Variants in CAST observed in about 807,000 individuals in gnomAD.
CAST encodes the protein calpastatin, also known as MIR583 host.
In CAST, 76 loss-of-function variants were observed where a neutral mutation model predicts 119.6. That is an observed-to-expected ratio of 0.64 (90% CI 0.53 to 0.77). The LOEUF is 0.77. CAST is among the 30% of genes least tolerant of loss of function. The probability of loss-of-function intolerance (pLI) is 0.00; values close to 1 mark genes in which losing one functional copy is unlikely to be tolerated. For missense variants in CAST, 953 were observed against 946.5 expected, an observed-to-expected ratio of 1.01 and a Z score of -0.09; for synonymous variants, 319 against 331.6, an observed-to-expected ratio of 0.96 and a Z score of 0.41.
chr5:96,406,331 A>G, the CAST span, among the ~76,000 whole-genome samples: 4 of 152,218 alleles, frequency 2.6e-5, no homozygotes, highest in Non-Finnish European at 5.9e-5. Context: ...TGCTGATGCC[A>G]GTCTCAGCTT....
intron 1 of CAST, among the ~76,000 whole-genome samples, chr5:96,644,636 A>G (rs2150203907): frequency 6.6e-6 from 1 of 152,306 alleles, no homozygotes; most frequent in African/African-American, 2.4e-5. Context: ...CATTATGGTG[A>G]TACATCTGTC....
At chr5:96,534,726 A>AAGG (rs1561408784) in intron 1 of CAST, among the ~76,000 whole-genome samples, 1 of 11,106 alleles carries the variant, frequency 9.0e-5, no homozygotes, top group Non-Finnish European at 2.0e-4. Flanking sequence ...AGAGAGAGAG[A>AAGG]GAGAGAGAGA....
chr5:96,360,521 C>T, the CAST span, among the ~76,000 whole-genome samples: 2 of 152,180 alleles, frequency 1.3e-5, no homozygotes, highest in East Asian at 1.9e-4. Flanking sequence ...TTGGTGTGGA[C>T]GTCCTTTTTG....
the CAST span, among the ~76,000 whole-genome samples, chr5:96,255,002 T>C: frequency 6.6e-6 from 1 of 152,112 alleles, no homozygotes; most frequent in African/African-American, 2.4e-5. Flanking sequence ...TTTGGGTGGA[T>C]TAAAAGTTGC....
chr5:96,112,094 CAAT>C, the CAST span, among the ~76,000 whole-genome samples: 1 of 151,100 alleles, frequency 6.6e-6, no homozygotes, highest in Non-Finnish European at 1.5e-5. Flanking sequence ...AAAATGGACT[CAAT>C]TATTAATATA....
chr5:96,675,461 A>G, intron 1 of CAST, 78 bp from the exon 2 acceptor site: 1 of 1,023,696 alleles, frequency 9.8e-7, no homozygotes, highest in South Asian at 1.3e-5. Context: ...AAGGGTATGC[A>G]TTTAGCCTTT....
chr5:96,609,905 G>A (rs1276741844), intron 1 of CAST, among the ~76,000 whole-genome samples: 2 of 152,126 alleles, frequency 1.3e-5, no homozygotes, highest in South Asian at 2.1e-4. Flanking sequence ...GGGGGACTGT[G>A]GGCATGGCAT....
intron 1 of CAST, among the ~76,000 whole-genome samples, chr5:96,558,250 G>C (rs959901800): frequency 6.6e-6 from 1 of 152,080 alleles, no homozygotes; most frequent in African/African-American, 2.4e-5. Context: ...ACAAGAGAAA[G>C]CAGGAAAGAT....
At chr5:96,633,846 C>T (rs892070367) in intron 1 of CAST, among the ~76,000 whole-genome samples, 3 of 152,216 alleles carry the variant, frequency 2.0e-5, no homozygotes, top group East Asian at 1.9e-4. Context: ...ACACACTCTA[C>T]ATCAGTCGTT....
chr5:95,996,830 T>C, the CAST span, among the ~76,000 whole-genome samples: 1 of 152,138 alleles, frequency 6.6e-6, no homozygotes, highest in Non-Finnish European at 1.5e-5. Flanking sequence ...ATCACACTTT[T>C]ATAAACACAG....
the CAST span, among the ~76,000 whole-genome samples, chr5:96,174,712 A>C: frequency 6.6e-6 from 1 of 152,286 alleles, no homozygotes; most frequent in African/African-American, 2.4e-5. Context: ...TAATCTTGTT[A>C]ATGTCTTTTC....
At chr5:96,179,892 C>T in the CAST span, among the ~76,000 whole-genome samples, 2 of 152,046 alleles carry the variant, frequency 1.3e-5, no homozygotes. Flanking sequence ...AAAAAATTAG[C>T]CAGGCGTGGT....
the CAST span, among the ~76,000 whole-genome samples, chr5:96,493,666 A>T: frequency 1.3e-5 from 2 of 152,214 alleles, no homozygotes; most frequent in Non-Finnish European, 2.9e-5. Context: ...GTTTCTTTGC[A>T]ATGAAGAAAT....
At chr5:96,389,482 A>G in the CAST span, among the ~76,000 whole-genome samples, 2 of 152,210 alleles carry the variant, frequency 1.3e-5, no homozygotes, top group African/African-American at 4.8e-5. Context: ...AGATCATTCT[A>G]GTTTTACTGA....
rs57199097 is a variant in CAST at position 96,696,686 on chromosome 5, TA to T, written c.210+792del. On this transcript the variant is annotated intron_variant, in intron 3 of 31. Transcript: ENST00000675179. ...CAACATAGTAAGACCCTTTCTCTCC[TA>T]AAAAAAAAAAAATTAAAAATTAGCC... 3.8e-4 allele frequency among the ~76,000 whole-genome samples: 37 copies of T among 97,164 alleles called. 1 individual carries two copies. The highest frequency in any genetic ancestry group is 3.5e-4 in the African/African-American group (10 of 28,328). The allele number at this position is 97,164 out of a possible 152,430, so 63.7% of individuals were successfully genotyped here. A position where few individuals can be genotyped will look rare whatever the true frequency, so the allele number is the denominator to read the frequency against.
At chr5:96,762,243 A>G (rs1448996908) in intron 24 of CAST, 31 bp from the exon 25 acceptor site, 5 of 1,425,702 alleles carry the variant, frequency 3.5e-6, no homozygotes, top group Non-Finnish European at 4.9e-6. Context: ...TATATACAAC[A>G]TGTTACTAAT....
the CAST span, among the ~76,000 whole-genome samples, chr5:96,389,194 T>C: frequency 3.6e-4 from 55 of 152,174 alleles, 1 homozygote; most frequent in Non-Finnish European, 2.9e-4. Context: ...ATGAGGACTA[T>C]AGTTAATAAA....
At chr5:96,337,823 CTT>C in the CAST span, among the ~76,000 whole-genome samples, 1 of 152,210 alleles carries the variant, frequency 6.6e-6, no homozygotes, top group Non-Finnish European at 1.5e-5. Context: ...TTACTTCTCT[CTT>C]CATTAGTTTA....
At chr5:96,276,379 C>A in the CAST span, among the ~76,000 whole-genome samples, 2 of 152,118 alleles carry the variant, frequency 1.3e-5, no homozygotes, top group Non-Finnish European at 2.9e-5. Context: ...AGTCTTTAAA[C>A]TTTTTTAAAG....
Sources: allele counts gnomAD v4.1 joint callset (sites outside exome capture counted in the v4.1 genomes callset), GRCh38; gene constraint gnomAD v4.1.1; transcripts MANE v1.5; gene names NCBI Gene and HGNC (gene_info 2026-07-23, HGNC 2026-07-21).